The following OSTN variants were observed in gnomAD, a reference collection of about 807,000 sequenced individuals.
OSTN encodes osteocrin.
A neutral mutation model predicts 12.0 loss-of-function variants in OSTN; 9 were observed. The observed-to-expected ratio is 0.75, with a 90% CI of 0.45 to 1.30. OSTN has a LOEUF of 1.30. Ranked by LOEUF, OSTN falls within the 50% of genes most tolerant of loss-of-function variation. OSTN has a pLI of 0.00. For synonymous variants in OSTN, 59 were observed against 56.9 expected (o/e 1.04, Z -0.16); for missense variants, 148 against 152.3 (o/e 0.97, Z 0.15).
intron 1 of OSTN, among the ~76,000 whole-genome samples, 184 bp downstream of exon 1, chr3:191,199,491 T>A (rs1714105990): frequency 6.6e-6 from 1 of 152,126 alleles, no homozygotes; most frequent in African/African-American, 2.4e-5. Flanking sequence ...AAGGTAGAAC[T>A]AATTGCTTAT....
At chr3:191,201,164 C>T (rs990911642) in intron 1 of OSTN, among the ~76,000 whole-genome samples, 3 of 151,884 alleles carry the variant, frequency 2.0e-5, no homozygotes, top group Non-Finnish European at 4.4e-5. Context: ...ACGGTACATC[C>T]CTGGAGCAGT....
At chr3:191,251,897 T>C (rs1016971647) in intron 4 of OSTN, among the ~76,000 whole-genome samples, 16 of 152,378 alleles carry the variant, frequency 1.1e-4, no homozygotes, top group African/African-American at 3.8e-4. Context: ...CTCCAGTTTC[T>C]TGATGTTCTG....
At chr3:191,244,343 T>C (rs1424677680) in intron 3 of OSTN, among the ~76,000 whole-genome samples, 4 of 151,990 alleles carry the variant, frequency 2.6e-5, no homozygotes, top group Non-Finnish European at 4.4e-5. Context: ...AATTGATAAA[T>C]ATTCTATATC....
intron 3 of OSTN, chr3:191,229,891 C>T (rs1017748347): frequency 2.0e-5 from 3 of 151,836 alleles, no homozygotes; most frequent in African/African-American, 7.3e-5. Flanking sequence ...ATGGTGAAAC[C>T]CCGTCTCTAC....
chr3:191,230,355 G>T (rs984303475), intron 3 of OSTN, among the ~76,000 whole-genome samples: 4 of 151,606 alleles, frequency 2.6e-5, no homozygotes, highest in African/African-American at 4.8e-5. Context: ...CACCAGGTCA[G>T]GAGATCGAGA....
At chr3:191,255,074 G>A (rs539914899) in intron 4 of OSTN, among the ~76,000 whole-genome samples, 4 of 152,174 alleles carry the variant, frequency 2.6e-5, no homozygotes, top group African/African-American at 9.7e-5. Flanking sequence ...CAGGGGGCAG[G>A]GGAGGAAATG....
intron 3 of OSTN, among the ~76,000 whole-genome samples, chr3:191,221,225 G>T (rs571504976): frequency 4.9e-4 from 75 of 152,090 alleles, no homozygotes; most frequent in Non-Finnish European, 9.4e-4. Flanking sequence ...CAATTAAACC[G>T]CTTTCCTTTA....
At chr3:191,240,909 G>T (rs1428958679) in intron 3 of OSTN, among the ~76,000 whole-genome samples, 1 of 152,224 alleles carries the variant, frequency 6.6e-6, no homozygotes, top group African/African-American at 2.4e-5. Context: ...ACTTCCAACA[G>T]TGTCATTTCC....
At chr3:191,241,167 C>CTTGTTTTTTTTTTT (rs1715309541) in intron 3 of OSTN, among the ~76,000 whole-genome samples, 1 of 46,444 alleles carries the variant, frequency 2.2e-5, no homozygotes, top group African/African-American at 5.3e-5. Flanking sequence ...TGTGCCTTGA[C>CTTGTTTTTTTTTTT]TTTTTTTTTT....
At chr3:191,222,957 T>C (rs1448090538) in intron 3 of OSTN, among the ~76,000 whole-genome samples, 3 of 152,282 alleles carry the variant, frequency 2.0e-5, no homozygotes, top group East Asian at 1.9e-4. Context: ...CCTTCTACCA[T>C]GATTGTAAGT....
intron 4 of OSTN, among the ~76,000 whole-genome samples, chr3:191,255,699 T>C (rs1465410314): frequency 6.6e-6 from 1 of 151,082 alleles, no homozygotes; most frequent in African/African-American, 2.4e-5. Flanking sequence ...TTGTAAGATA[T>C]AAATAGCCCT....
intron 3 of OSTN, among the ~76,000 whole-genome samples, chr3:191,231,808 A>T (rs1441979147): frequency 1.3e-5 from 2 of 152,178 alleles, no homozygotes. Context: ...TCAGGGATTC[A>T]TAAACTTTGT....
chr3:191,215,915 A>G lies in OSTN; in HGVS notation c.103-2832A>G, dbSNP rs981038644. Reference sequence around the variant, plus strand: ...CCTGGAGTACTGTGGCCCACTTCTCACAGCTCTACTGGGCAGTACCACAGT... The same window carrying G: ...CCTGGAGTACTGTGGCCCACTTCTCGCAGCTCTACTGGGCAGTACCACAGT... On this transcript the variant is annotated intron_variant, in intron 2 of 4. Transcript: ENST00000682035. Among the ~76,000 whole-genome samples, 5 of 152,116 alleles carry G rather than the reference A, an allele frequency of 3.3e-5. No individual in the cohort carries two copies. In the South Asian group the frequency reaches 8.3e-4, roughly 25 times the overall value.
rs571819954 is a variant in OSTN at position 191,212,498 on chromosome 3, G to C, written c.1-35G>C. The stretch of plus-strand genomic sequence containing the variant: ...TGTTTTTTGTCTTTACATTCCAAAC[G>C]AATCAATGCTAACTATGACATATGT... On this transcript the variant is annotated intron_variant, in intron 1 of 4. Transcript: ENST00000682035. The C allele has an allele frequency of 4.3e-6, 6 of 1,400,472 alleles. 1 individual carries two copies. In the Admixed American group the frequency reaches 5.7e-5, roughly 13 times the overall value. 86.8% of individuals were successfully genotyped at this position (1,400,472 alleles called of 1,614,324 possible).
intron 3 of OSTN, among the ~76,000 whole-genome samples, chr3:191,231,596 A>G (rs890880962): frequency 3.9e-5 from 6 of 152,198 alleles, no homozygotes; most frequent in African/African-American, 1.4e-4. Flanking sequence ...ACCAGGAATT[A>G]TTTGTTAGTG....
At chr3:191,247,446 T>C (rs959769618) in intron 3 of OSTN, among the ~76,000 whole-genome samples, 1 of 152,170 alleles carries the variant, frequency 6.6e-6, no homozygotes, top group African/African-American at 2.4e-5. Flanking sequence ...AAATACTTTT[T>C]TCCTAGTTTT....
At chr3:191,228,459 C>T (rs1560118526) in intron 3 of OSTN, among the ~76,000 whole-genome samples, 2 of 152,166 alleles carry the variant, frequency 1.3e-5, no homozygotes, top group African/African-American at 4.8e-5. Flanking sequence ...CAGTCTAACT[C>T]ACCATCAAAA....
intron 4 of OSTN, among the ~76,000 whole-genome samples, chr3:191,259,480 C>T (rs941856348): frequency 6.9e-6 from 1 of 145,406 alleles, no homozygotes; most frequent in African/African-American, 2.5e-5. Context: ...GGATTACAGG[C>T]GTGAGCCACC....
chr3:191,205,310 T>A (rs1360876381), intron 1 of OSTN, among the ~76,000 whole-genome samples: 1 of 152,138 alleles, frequency 6.6e-6, no homozygotes, highest in Non-Finnish European at 1.5e-5. Context: ...TTCCTGTCCT[T>A]CAAGTCTGAG....
Sources: gnomAD v4.1 joint callset for allele counts (sites outside exome capture counted in the v4.1 genomes callset) on GRCh38, gnomAD v4.1.1 for gene constraint, MANE v1.5 for transcripts, NCBI Gene and HGNC (gene_info 2026-07-23, HGNC 2026-07-21) for gene names.